The following JADE1 variants were observed in gnomAD, a reference collection of about 807,000 sequenced individuals.
The protein encoded by JADE1 is jade family PHD finger 1, also known as protein Jade-1.
Under a neutral mutation model 81.8 loss-of-function variants are expected in JADE1, and 14 were observed. The observed-to-expected ratio is 0.17, with a 90% CI of 0.11 to 0.27. The LOEUF is 0.27. JADE1 is among the 10% of genes least tolerant of loss of function. The pLI is 1.00. For missense variants in JADE1, 690 were observed against 1,047.9 expected, an observed-to-expected ratio of 0.66 and a Z score of 4.71; for synonymous variants, 353 against 391.9, an observed-to-expected ratio of 0.90 and a Z score of 1.17.
chr4:128,824,443 G>A (rs1035358684), intron 1 of JADE1, among the ~76,000 whole-genome samples: 4 of 151,958 alleles, frequency 2.6e-5, no homozygotes, highest in Admixed American at 2.6e-4. Context: ...AAAGAGAAAG[G>A]AGTAGCTCAT....
chr4:128,861,556 A>G (rs1410125786), intron 8 of JADE1, 148 bp from the exon 9 acceptor site: 10 of 897,532 alleles, frequency 1.1e-5, no homozygotes, highest in Non-Finnish European at 1.7e-5. Flanking sequence ...TTGCAGGGTT[A>G]ATCCACGTAC....
In JADE1 at chr4:128,871,268, A is replaced by G. The variant is rs773302479; in HGVS notation, c.1622-87A>G. The G allele has an allele frequency of 2.9e-5, 38 of 1,292,772 alleles. No homozygotes were observed. Among genetic ancestry groups the G allele is most frequent in the African/African-American group, 2.4e-4 (16 of 67,416 alleles). The allele number at this position is 1,292,772 out of a possible 1,614,324, so 80.1% of individuals were successfully genotyped here. Reference sequence around the variant, plus strand: ...GTTGTTGGGTGGGGAGTTCACATCAATTGGGCCACACTAAGGGTGTAGAAT... The same window carrying G: ...GTTGTTGGGTGGGGAGTTCACATCAGTTGGGCCACACTAAGGGTGTAGAAT... On this transcript the variant is annotated intron_variant, in intron 10 of 10. Coordinates refer to ENST00000226319, the MANE Select transcript of JADE1 (RefSeq NM_199320.4). The surrounding 1 kb of genome is among the most constrained non-coding windows in gnomAD (Gnocchi z 4.1).
intron 9 of JADE1, chr4:128,862,748 T>C (rs1358386357): frequency 2.0e-6 from 2 of 1,004,278 alleles, no homozygotes; most frequent in Non-Finnish European, 2.4e-6. Flanking sequence ...CTTTGTTTCT[T>C]GGGTAATTCA....
chr4:128,873,427 T>C lies in JADE1; in HGVS notation c.*1165T>C, dbSNP rs1240719310. On this transcript the variant is annotated 3_prime_UTR_variant, in exon 11 of 11. Transcript: ENST00000226319. ...ACTGAAGTGTACCCTTGAATAGGTT[T>C]TCTGTAGTCAGAGTTCTAAACTCTA... The C allele has an allele frequency of 6.6e-6, 1 of 152,644 alleles. No individual in the cohort carries two copies. Among genetic ancestry groups the C allele is most frequent in the African/African-American group, 2.4e-5 (1 of 41,464 alleles). The allele number at this position is 152,644 out of a possible 1,614,324, so 9.5% of individuals were successfully genotyped here.
intron 9 of JADE1, chr4:128,864,120 C>T (rs1270497853): frequency 6.1e-6 from 6 of 983,062 alleles, no homozygotes; most frequent in Admixed American, 6.2e-5. Flanking sequence ...ATTAAAAAGC[C>T]TAAGGAACTT....
At chr4:128,821,695 A>G (rs1431921701) in intron 1 of JADE1, among the ~76,000 whole-genome samples, 3 of 151,744 alleles carry the variant, frequency 2.0e-5, no homozygotes, top group Non-Finnish European at 2.9e-5. Context: ...TAATTTTTGT[A>G]TTTTTAGTAG....
chr4:128,818,171 A>G, intron 1 of JADE1, among the ~76,000 whole-genome samples: 1 of 151,236 alleles, frequency 6.6e-6, no homozygotes. Flanking sequence ...TGCAGGATGG[A>G]GTGCAGTGGC....
At position 128,874,657 on chromosome 4, in the gene JADE1, CTA is replaced by C. The variant is rs1560791367; in HGVS notation, c.*2397_*2398del. The C allele has an allele frequency of 6.6e-6, 1 of 152,562 alleles. No individual in the cohort carries two copies. Among genetic ancestry groups the C allele is most frequent in the African/African-American group, 2.4e-5 (1 of 41,422 alleles). The allele number at this position is 152,562 out of a possible 1,614,324, so 9.5% of individuals were successfully genotyped here. A position where few individuals can be genotyped will look rare whatever the true frequency, so the allele number is the denominator to read the frequency against. On this transcript the variant is annotated 3_prime_UTR_variant, in exon 11 of 11. Coordinates refer to ENST00000226319, the MANE Select transcript of JADE1 (RefSeq NM_199320.4). ...AGTTTCATGTCATGCTGGGAACTCT[CTA>C]TGAGGTGGCCATAAGCAGCAACCAG...
intron 1 of JADE1, among the ~76,000 whole-genome samples, chr4:128,819,443 A>G (rs1316255029): frequency 6.6e-6 from 1 of 152,182 alleles, no homozygotes; most frequent in Non-Finnish European, 1.5e-5. Flanking sequence ...GTAAGAACAA[A>G]TACCTTGGTC....
intron 8 of JADE1, 82 bp from the exon 9 acceptor site, chr4:128,861,622 A>G: frequency 1.4e-6 from 2 of 1,472,478 alleles, no homozygotes; most frequent in Admixed American, 1.8e-5. Flanking sequence ...GCATGTGTAC[A>G]TGGGGTGCCT....
chr4:128,873,343 TAGAA>T lies in JADE1; in HGVS notation c.*1084_*1087del, dbSNP rs1462893311. On this transcript the variant is annotated 3_prime_UTR_variant, in exon 11 of 11. Coordinates refer to ENST00000226319, the MANE Select transcript of JADE1 (RefSeq NM_199320.4). Reference sequence around the variant, plus strand: ...GAAATAGGTTATATTTTAAAAACAATAGAAAGGCAATAAGTTGCGATAAGCTCTT... The same window carrying T: ...GAAATAGGTTATATTTTAAAAACAATAGGCAATAAGTTGCGATAAGCTCTT... The T allele has an allele frequency of 1.5e-5, 2 of 133,146 alleles. No individual in the cohort carries two copies. Among genetic ancestry groups the T allele is most frequent in the Non-Finnish European group, 3.3e-5 (2 of 60,320 alleles). 8.2% of individuals were successfully genotyped at this position (133,146 alleles called of 1,614,324 possible). A position where few individuals can be genotyped will look rare whatever the true frequency, so the allele number is the denominator to read the frequency against.
At chr4:128,836,956 G>A (rs1460868965) in intron 2 of JADE1, among the ~76,000 whole-genome samples, 1 of 152,032 alleles carries the variant, frequency 6.6e-6, no homozygotes, top group African/African-American at 2.4e-5. Flanking sequence ...CTTAAACTTT[G>A]GTGTCTCTCA....
rs564517486 is a variant in JADE1, at chr4:128,872,384, A to G, written c.*122A>G. 20 of 804,968 alleles carry G rather than the reference A, an allele frequency of 2.5e-5. No individual in the cohort carries two copies. The highest frequency in any genetic ancestry group is 1.7e-4 in the African/African-American group (10 of 57,608). 49.9% of individuals were successfully genotyped at this position (804,968 alleles called of 1,614,324 possible). A position where few individuals can be genotyped will look rare whatever the true frequency, so the allele number is the denominator to read the frequency against. The stretch of plus-strand genomic sequence containing the variant: ...AGCTACACAAACACATTTACTTGCA[A>G]TTCAGATTAATTTTTTTCCAGAGTC... On this transcript the variant is annotated 3_prime_UTR_variant, in exon 11 of 11. Coordinates refer to ENST00000226319, the MANE Select transcript of JADE1 (RefSeq NM_199320.4).
chr4:128,861,499 T>C (rs1221225559), intron 8 of JADE1, among the ~76,000 whole-genome samples: 1 of 151,828 alleles, frequency 6.6e-6, no homozygotes, highest in Non-Finnish European at 1.5e-5. Flanking sequence ...ACCTCATCTC[T>C]ATAAAAAAAA....
At chr4:128,830,553 C>T (rs1362725124) in intron 1 of JADE1, among the ~76,000 whole-genome samples, 3 of 152,044 alleles carry the variant, frequency 2.0e-5, no homozygotes, top group African/African-American at 7.2e-5. Context: ...TTGTTAACAC[C>T]ACATCATACA....
chr4:128,850,827 C>T (rs1441419577), intron 5 of JADE1, among the ~76,000 whole-genome samples: 1 of 152,182 alleles, frequency 6.6e-6, no homozygotes, highest in Non-Finnish European at 1.5e-5. Context: ...TGGGCTAATC[C>T]ATATTTGAAG....
At chr4:128,822,680 T>C (rs1448412103) in intron 1 of JADE1, among the ~76,000 whole-genome samples, 2 of 151,632 alleles carry the variant, frequency 1.3e-5, no homozygotes, top group Non-Finnish European at 2.9e-5. Context: ...GATCACACCA[T>C]TGCACTCCAG....
intron 3 of JADE1, among the ~76,000 whole-genome samples, chr4:128,845,032 C>T (rs890243267): frequency 2.0e-5 from 3 of 152,244 alleles, no homozygotes; most frequent in Middle Eastern, 3.2e-3. Context: ...CTTGTGTAAA[C>T]AGACAGGGCA....
At chr4:128,842,732 T>TC (rs2125848844) in intron 2 of JADE1, among the ~76,000 whole-genome samples, 1 of 152,310 alleles carries the variant, frequency 6.6e-6, no homozygotes, top group South Asian at 2.1e-4. Flanking sequence ...TGATACAGCA[T>TC]CCCTGCACAG....
Sources: allele counts gnomAD v4.1 joint callset (sites outside exome capture counted in the v4.1 genomes callset), GRCh38; gene constraint gnomAD v4.1.1; non-coding constraint Gnocchi (gnomAD v3.1); transcripts MANE v1.5; gene names NCBI Gene and HGNC (gene_info 2026-07-23, HGNC 2026-07-21).